The following HNRNPM variants were observed in gnomAD, a reference collection of about 807,000 sequenced individuals.
HNRNPM encodes CEA receptor.
Under a neutral mutation model 73.1 loss-of-function variants are expected in HNRNPM, and 11 were observed. The ratio of observed to expected loss-of-function variants is 0.15; its 90% CI spans 0.09 to 0.25. HNRNPM has a LOEUF of 0.25. HNRNPM is among the 10% of genes least tolerant of loss of function. The pLI is 1.00. For missense variants in HNRNPM, 789 were observed against 1,067.9 expected (o/e 0.74, Z 3.64); for synonymous variants, 407 against 355.2 (o/e 1.15, Z -1.64).
intron 15 of HNRNPM, 114 bp from the exon 16 acceptor site, chr19:8,488,577 T>G: frequency 1.2e-6 from 1 of 865,154 alleles, no homozygotes; most frequent in Non-Finnish European, 1.8e-6. Flanking sequence ...GTTCTCGCCA[T>G]TGTATTCTGA....
At chr19:8,465,775 G>A (rs992333575) in intron 6 of HNRNPM, among the ~76,000 whole-genome samples, 3 of 152,098 alleles carry the variant, frequency 2.0e-5, no homozygotes, top group East Asian at 1.9e-4. Flanking sequence ...TGCATTCTCC[G>A]TTGGTTTATT....
chr19:8,476,626 G>A (rs923571973), intron 12 of HNRNPM, among the ~76,000 whole-genome samples: 7 of 152,090 alleles, frequency 4.6e-5, no homozygotes, highest in African/African-American at 1.7e-4. Context: ...GGCAGTGTTT[G>A]ACAGTGAAAA....
chr19:8,481,967 C>CTTTT (rs35179733), intron 12 of HNRNPM, among the ~76,000 whole-genome samples: 4 of 117,324 alleles, frequency 3.4e-5, no homozygotes, highest in East Asian at 2.5e-4. Flanking sequence ...TGTTTGGTGT[C>CTTTT]TTTTTTTTTT....
chr19:8,459,018 C>G (rs904976315), intron 2 of HNRNPM, among the ~76,000 whole-genome samples: 1 of 152,178 alleles, frequency 6.6e-6, no homozygotes, highest in Non-Finnish European at 1.5e-5. Flanking sequence ...ACCTCTGCCC[C>G]CTGGGTTCAA....
Position 8,466,232 on chromosome 19 carries a change from T to A in HNRNPM, c.631-3T>A. 1 of 1,611,912 alleles carries A rather than the reference T, an allele frequency of 6.2e-7. No individual in the cohort carries two copies. The highest frequency in any genetic ancestry group is 2.2e-5 in the East Asian group (1 of 44,820). ...GGTTTTTACCCCGTTCTCTCTCGAT[T>A]AGCTGGATTATAAAGTTGGCTGGAA... is the stretch of plus-strand genomic sequence containing the variant. On this transcript the variant is annotated splice_polypyrimidine_tract_variant and splice_region_variant and intron_variant, in intron 6 of 15. Transcript: ENST00000325495.
intron 2 of HNRNPM, among the ~76,000 whole-genome samples, chr19:8,455,899 TTTTGA>T (rs1968980571): frequency 6.6e-6 from 1 of 151,792 alleles, no homozygotes; most frequent in African/African-American, 2.4e-5. Context: ...TGTTGAAATT[TTTTGA>T]ATTTTGCACG....
chr19:8,480,787 T>G (rs1970862570), intron 12 of HNRNPM, among the ~76,000 whole-genome samples: 2 of 152,154 alleles, frequency 1.3e-5, no homozygotes, highest in African/African-American at 4.8e-5. Context: ...GGCACATGAG[T>G]GGCACAGAGA....
chr19:8,480,533 G>C (rs144111492), intron 12 of HNRNPM, among the ~76,000 whole-genome samples: 20 of 151,610 alleles, frequency 1.3e-4, no homozygotes, highest in Middle Eastern at 6.8e-3. Context: ...CGGGCGTGGT[G>C]GTGCATGCTG....
chr19:8,485,874 C>G lies in HNRNPM; in HGVS notation c.1446C>G (p.Gly482=). 1 of 1,604,206 alleles carries G rather than the reference C, an allele frequency of 6.2e-7. No homozygotes were observed. Among genetic ancestry groups the G allele is most frequent in the Non-Finnish European group, 8.5e-7 (1 of 1,179,628 alleles). Residue 482 remains glycine, a synonymous_variant, in exon 14 of 16, where the codon GGC becomes GGG. Coordinates refer to ENST00000325495, the MANE Select transcript of HNRNPM (RefSeq NM_005968.5). ...AGACCATGGAGCGCATTGGCTCTGG[C>G]GTGGAGCGCATGGGTGCCGGCATGG... The part of the protein sequence containing the change: ...MGQTMERIGS[G]VERMGAGMGF...
chr19:8,465,459 G>A lies in HNRNPM; in HGVS notation c.574G>A (p.Glu192Lys). Residue 192 changes from glutamate to lysine, a missense_variant, in exon 6 of 16, where the codon GAG (glutamate) becomes AAG (lysine). Glu to Lys is a moderately conservative substitution (Grantham distance 56). This residue lies in a region of HNRNPM where 604 missense variants were observed against 744.0 expected (regional missense o/e 0.81). Transcript: ENST00000325495. ...SILNNPNIPN[E>K]IIHALQAGRL... ...CCTAAATAATCCCAACATCCCAAAT[G>A]AGATTATCCATGCATTACAGGCTGG... 6.2e-7 allele frequency: 1 copy of A among 1,613,848 alleles called. No individual in the cohort carries two copies. Among genetic ancestry groups the A allele is most frequent in the Non-Finnish European group, 8.5e-7 (1 of 1,179,818 alleles).
intron 1 of HNRNPM, 134 bp downstream of exon 1, chr19:8,445,245 C>T (rs1280054980): frequency 7.5e-6 from 6 of 804,054 alleles, no homozygotes; most frequent in Admixed American, 4.3e-5. Flanking sequence ...ACCGCCTGCT[C>T]AGGGTAGCGG....
At chr19:8,485,048 T>C (rs1343596915) in intron 13 of HNRNPM, among the ~76,000 whole-genome samples, 1 of 151,842 alleles carries the variant, frequency 6.6e-6, no homozygotes, top group Non-Finnish European at 1.5e-5. Flanking sequence ...TTTTGACCTC[T>C]GCTTGATGGT....
intron 12 of HNRNPM, among the ~76,000 whole-genome samples, chr19:8,478,030 G>C (rs1568292834): frequency 6.6e-6 from 1 of 152,200 alleles, no homozygotes; most frequent in Non-Finnish European, 1.5e-5. Context: ...AGCCTTTGGG[G>C]TAGGGCATGT....
At position 8,455,462 on chromosome 19, in the gene HNRNPM, A is replaced by T; in HGVS notation, c.171A>T (p.Gly57=). ...EKRKEKNIKR[G]GNRFEPYANP... ...GGAAGGAGAAAAACATAAAAAGAGG[A>T]GGCAATCGCTTTGAGCCATATGCCA... The change falls in exon 2 of 16, where the codon GGA becomes GGT. Residue 57 remains glycine (G), a synonymous_variant. Coordinates refer to ENST00000325495, the MANE Select transcript of HNRNPM (RefSeq NM_005968.5). 2 of 1,613,982 alleles carry T rather than the reference A, an allele frequency of 1.2e-6. No homozygotes were observed. The highest frequency in any genetic ancestry group is 1.7e-6 in the Non-Finnish European group (2 of 1,179,842).
chr19:8,483,505 G>A (rs1301919696), intron 13 of HNRNPM, among the ~76,000 whole-genome samples: 1 of 152,202 alleles, frequency 6.6e-6, no homozygotes, highest in East Asian at 1.9e-4. Flanking sequence ...CATCTTCATT[G>A]TTAGAGTACC....
rs761557150 is a variant in HNRNPM, at chr19:8,485,757, C to T, written c.1329C>T (p.Arg443=). Residue 443 remains arginine (R), a synonymous_variant, in exon 14 of 16, where the codon CGC becomes CGT. Transcript: ENST00000325495. ...AGCGCATGGGCCTGGTCATGGACCG[C>T]ATGGGCTCCGTGGAGCGCATGGGCT... ...EIERMGLVMD[R]MGSVERMGSG... is the part of the protein sequence containing the mutation. The T allele has an allele frequency of 1.9e-6, 3 of 1,604,598 alleles. No individual in the cohort carries two copies. The highest frequency in any genetic ancestry group is 2.2e-5 in the East Asian group (1 of 44,774).
intron 9 of HNRNPM, 35 bp from the exon 10 acceptor site, chr19:8,471,291 G>A (rs1321847679): frequency 7.3e-7 from 1 of 1,364,712 alleles, no homozygotes; most frequent in South Asian, 1.3e-5. Context: ...TTGCTAAATA[G>A]GGGAAAACTA....
chr19:8,475,653 G>A (rs1970449036), intron 12 of HNRNPM, among the ~76,000 whole-genome samples: 1 of 152,228 alleles, frequency 6.6e-6, no homozygotes, highest in Admixed American at 6.5e-5. Flanking sequence ...GTCACCATTA[G>A]TAATAAAGCA....
chr19:8,464,746 T>G (rs1022411243), intron 5 of HNRNPM, among the ~76,000 whole-genome samples: 4 of 152,150 alleles, frequency 2.6e-5, no homozygotes, highest in African/African-American at 9.7e-5. Flanking sequence ...GATGTCTTTT[T>G]TAGTGCTGAT....
Sources: allele counts gnomAD v4.1 joint callset (sites outside exome capture counted in the v4.1 genomes callset), GRCh38; gene constraint gnomAD v4.1.1; regional missense constraint gnomAD v4.1.1; transcripts MANE v1.5; gene names NCBI Gene and HGNC (gene_info 2026-07-23, HGNC 2026-07-21).